Variants in RABGAP1L observed in about 807,000 individuals in gnomAD.
RABGAP1L encodes the protein RAB GTPase activating protein 1 like.
Under a neutral mutation model 137.7 loss-of-function variants are expected in RABGAP1L, and 63 were observed. That is an observed-to-expected ratio of 0.46 (90% CI 0.37 to 0.56). RABGAP1L has a LOEUF of 0.56. RABGAP1L is among the 20% of genes least tolerant of loss of function. RABGAP1L has a pLI of 0.00. For missense variants in RABGAP1L, 1,095 were observed against 1,244.0 expected (o/e 0.88, Z 1.80); for synonymous variants, 431 against 433.7 (o/e 0.99, Z 0.08).
chr1:174,474,299 T>A (rs1340139843), intron 13 of RABGAP1L, among the ~76,000 whole-genome samples: 6 of 152,228 alleles, frequency 3.9e-5, no homozygotes. Flanking sequence ...ATTGTCAGCT[T>A]TTTAAAAATC....
chr1:174,564,130 T>C (rs1444310294), intron 13 of RABGAP1L, among the ~76,000 whole-genome samples: 1 of 152,214 alleles, frequency 6.6e-6, no homozygotes, highest in African/African-American at 2.4e-5. Context: ...TTATGGTATA[T>C]CATTGTTCCC....
chr1:174,175,882 C>T (rs1415253573), intron 1 of RABGAP1L, among the ~76,000 whole-genome samples: 1 of 152,138 alleles, frequency 6.6e-6, no homozygotes, highest in African/African-American at 2.4e-5. Flanking sequence ...TCCTTGGCCT[C>T]TCAGAGTGCT....
At chr1:174,811,241 A>G (rs185897031) in intron 18 of RABGAP1L, among the ~76,000 whole-genome samples, 2 of 152,324 alleles carry the variant, frequency 1.3e-5, no homozygotes, top group East Asian at 1.9e-4. Context: ...TTGGTAAACA[A>G]TAGTTTTCAG....
intron 14 of RABGAP1L, among the ~76,000 whole-genome samples, chr1:174,668,001 G>A (rs902265550): frequency 3.3e-5 from 5 of 152,198 alleles, no homozygotes; most frequent in African/African-American, 1.2e-4. Context: ...GTAGTCCAGA[G>A]CAGGAGGAGG....
intron 13 of RABGAP1L, among the ~76,000 whole-genome samples, chr1:174,608,118 C>T (rs1055603639): frequency 2.0e-5 from 3 of 152,088 alleles, no homozygotes; most frequent in African/African-American, 7.2e-5. Context: ...TGTGAGTGCC[C>T]AACAAAGAAA....
intron 13 of RABGAP1L, among the ~76,000 whole-genome samples, chr1:174,589,701 AT>A (rs1669405979): frequency 6.6e-6 from 1 of 152,178 alleles, no homozygotes; most frequent in African/African-American, 2.4e-5. Flanking sequence ...TCCCAGCACC[AT>A]TTATTGAAGA....
chr1:174,284,659 A>G (rs1468039530), intron 10 of RABGAP1L, among the ~76,000 whole-genome samples: 1 of 147,810 alleles, frequency 6.8e-6, no homozygotes, highest in African/African-American at 2.5e-5. Flanking sequence ...TGTTTTTCAT[A>G]CTGGCTATAC....
chr1:174,964,859 GTC>G, intron 20 of RABGAP1L: 3 of 1,438,248 alleles, frequency 2.1e-6, no homozygotes, highest in Non-Finnish European at 2.7e-6. Flanking sequence ...ATTAAGAAGT[GTC>G]TGTTTTTGTT....
chr1:174,504,182 A>G (rs1186586179), intron 13 of RABGAP1L, among the ~76,000 whole-genome samples: 1 of 151,884 alleles, frequency 6.6e-6, no homozygotes, highest in Non-Finnish European at 1.5e-5. Flanking sequence ...CATGTTGCCC[A>G]GGCTTGTCTC....
chr1:174,669,427 G>A (rs758711129), intron 14 of RABGAP1L, among the ~76,000 whole-genome samples: 1 of 152,150 alleles, frequency 6.6e-6, no homozygotes, highest in Non-Finnish European at 1.5e-5. Flanking sequence ...ATCCCATTTT[G>A]TAGGTTGTCT....
rs367897317 is a variant in RABGAP1L, at chr1:174,522,065, C to T, written c.1711-115310C>T. Among the ~76,000 whole-genome samples, 74 of 124,308 alleles carry T rather than the reference C, an allele frequency of 6.0e-4. No individual in the cohort carries two copies. In the Middle Eastern group the frequency reaches 0.014, roughly 24 times the overall value. 81.6% of individuals were successfully genotyped at this position (124,308 alleles called of 152,430 possible). A position where few individuals can be genotyped will look rare whatever the true frequency, so the allele number is the denominator to read the frequency against. On this transcript the variant is annotated intron_variant, in intron 13 of 25. Coordinates refer to ENST00000681986, the MANE Select transcript of RABGAP1L (RefSeq NM_001366446.1). ...CTGCACTACAGCTTGGACAACAGAGCGAGACTCTGTCTCAAAAAAAAAAAA... is the reference window on the plus strand; with the variant it reads ...CTGCACTACAGCTTGGACAACAGAGTGAGACTCTGTCTCAAAAAAAAAAAA...
intron 18 of RABGAP1L, among the ~76,000 whole-genome samples, chr1:174,783,988 C>T (rs1396904151): frequency 1.3e-4 from 18 of 142,012 alleles, no homozygotes; most frequent in African/African-American, 2.4e-4. Context: ...GATTACAGGC[C>T]GTGAGTTTTT....
rs1302955661 is a variant in RABGAP1L, at chr1:174,827,456, T to TG, written c.2340+15503dup. 9.1e-5 allele frequency among the ~76,000 whole-genome samples: 11 copies of TG among 120,902 alleles called. 2 individuals are homozygous for TG. The highest frequency in any genetic ancestry group is 1.6e-4 in the Admixed American group (2 of 12,570). 79.3% of individuals were successfully genotyped at this position (120,902 alleles called of 152,430 possible). A position where few individuals can be genotyped will look rare whatever the true frequency, so the allele number is the denominator to read the frequency against. ...GGAGTTAGGATTTCAACATATTAAT[T>TG]GGGGGGGCACAATTCACCCCATAAC... is the stretch of plus-strand genomic sequence containing the variant. On this transcript the variant is annotated intron_variant, in intron 19 of 25. Coordinates refer to ENST00000681986, the MANE Select transcript of RABGAP1L (RefSeq NM_001366446.1).
At chr1:174,543,719 G>C (rs919242186) in intron 13 of RABGAP1L, among the ~76,000 whole-genome samples, 1 of 152,150 alleles carries the variant, frequency 6.6e-6, no homozygotes, top group African/African-American at 2.4e-5. Flanking sequence ...GCATGTTTTT[G>C]CAGTGGCTGG....
intron 13 of RABGAP1L, among the ~76,000 whole-genome samples, chr1:174,580,294 G>T (rs1282303242): frequency 1.3e-5 from 2 of 152,100 alleles, no homozygotes; most frequent in Non-Finnish European, 1.5e-5. Flanking sequence ...TATGCCCAAA[G>T]GATTATAAAT....
rs746676430 is a variant in RABGAP1L, at chr1:174,859,953, CTTTTTTTTT to C, written c.2340+48008_2340+48016del. Among the ~76,000 whole-genome samples, 7 of 95,114 alleles carry C rather than the reference CTTTTTTTTT, an allele frequency of 7.4e-5. No individual in the cohort carries two copies. In the Admixed American group the frequency reaches 8.1e-4, roughly 11 times the overall value. 62.4% of individuals were successfully genotyped at this position (95,114 alleles called of 152,430 possible). A position where few individuals can be genotyped will look rare whatever the true frequency, so the allele number is the denominator to read the frequency against. On this transcript the variant is annotated intron_variant, in intron 19 of 25. Transcript: ENST00000681986. ...ACTTGACCAATCATTTAGTCCAATGCTTTTTTTTTTTTTTTTTTTTTTTCCAAATAAAGT... is the reference window on the plus strand; with the variant it reads ...ACTTGACCAATCATTTAGTCCAATGCTTTTTTTTTTTTTTCCAAATAAAGT...
chr1:174,264,535 T>C (rs1433589638), intron 7 of RABGAP1L, among the ~76,000 whole-genome samples: 1 of 152,152 alleles, frequency 6.6e-6, no homozygotes, highest in African/African-American at 2.4e-5. Flanking sequence ...ATCTGGCATC[T>C]CAAAGTTAAT....
intron 12 of RABGAP1L, among the ~76,000 whole-genome samples, chr1:174,377,579 A>G (rs1300337781): frequency 3.9e-5 from 6 of 152,142 alleles, no homozygotes; most frequent in Non-Finnish European, 5.9e-5. Flanking sequence ...AAGACATACA[A>G]ATGGCCAAGT....
At chr1:174,475,230 G>T (rs1254909116) in intron 13 of RABGAP1L, among the ~76,000 whole-genome samples, 2 of 152,046 alleles carry the variant, frequency 1.3e-5, no homozygotes, top group African/African-American at 4.8e-5. Flanking sequence ...AAACTCCTAG[G>T]TGCTGCTGAT....
Sources: gnomAD v4.1 joint callset for allele counts (sites outside exome capture counted in the v4.1 genomes callset) on GRCh38, gnomAD v4.1.1 for gene constraint, MANE v1.5 for transcripts, NCBI Gene and HGNC (gene_info 2026-07-23, HGNC 2026-07-21) for gene names.